The following PTPRK variants were observed in gnomAD, a reference collection of about 807,000 sequenced individuals.
PTPRK encodes receptor-type tyrosine-protein phosphatase kappa.
Under a neutral mutation model 178.0 loss-of-function variants are expected in PTPRK, and 75 were observed. The observed-to-expected ratio is 0.42, with a 90% CI of 0.35 to 0.51. The LOEUF is 0.51. Among genes scored for constraint, PTPRK ranks in the 20% least tolerant of loss-of-function variants. The pLI is 0.02. For missense variants in PTPRK, 1,441 were observed against 1,797.8 expected, an observed-to-expected ratio of 0.80 and a Z score of 3.59; for synonymous variants, 637 against 620.6, an observed-to-expected ratio of 1.03 and a Z score of -0.39.
chr6:128,425,070 A>T, intron 1 of PTPRK, among the ~76,000 whole-genome samples: 1 of 148,978 alleles, frequency 6.7e-6, no homozygotes. Context: ...ACTGTACCCA[A>T]TGTGTAGTCT....
chr6:128,452,964 T>C (rs1847968871), intron 1 of PTPRK, among the ~76,000 whole-genome samples: 1 of 152,202 alleles, frequency 6.6e-6, no homozygotes. Context: ...CTTCACTGTG[T>C]CACATTGAGT....
intron 2 of PTPRK, among the ~76,000 whole-genome samples, chr6:128,351,241 G>A (rs931055640): frequency 3.3e-5 from 5 of 152,046 alleles, no homozygotes; most frequent in African/African-American, 4.8e-5. Context: ...ATATAAACAC[G>A]GGAAAAAGAC....
chr6:128,355,233 A>G (rs1833792947), intron 2 of PTPRK, among the ~76,000 whole-genome samples: 1 of 152,244 alleles, frequency 6.6e-6, no homozygotes, highest in Non-Finnish European at 1.5e-5. Flanking sequence ...TTCAGTAATT[A>G]TGCAACGTCC....
At chr6:128,424,505 C>T (rs756712455) in intron 1 of PTPRK, among the ~76,000 whole-genome samples, 2 of 152,176 alleles carry the variant, frequency 1.3e-5, no homozygotes, top group Non-Finnish European at 2.9e-5. Flanking sequence ...CAGAAGGATT[C>T]CTTCTCCTTT....
intron 8 of PTPRK, among the ~76,000 whole-genome samples, chr6:128,089,031 C>T (rs1473110818): frequency 6.6e-6 from 1 of 152,192 alleles, no homozygotes; most frequent in Non-Finnish European, 1.5e-5. Context: ...GGTGCGATCT[C>T]AGCTCTCTGT....
rs1240675468 is a variant in PTPRK, at chr6:128,520,557, C to T, written c.-199G>A. 1.6e-5 allele frequency: 9 copies of T among 569,664 alleles called. No individual in the cohort carries two copies. The highest frequency in any genetic ancestry group is 2.5e-5 in the Non-Finnish European group (8 of 315,078). The allele number at this position is 569,664 out of a possible 1,614,324, so 35.3% of individuals were successfully genotyped here. On this transcript the variant is annotated 5_prime_UTR_variant, in exon 1 of 30. Coordinates refer to ENST00000368226, the MANE Select transcript of PTPRK (RefSeq NM_002844.4). The stretch of plus-strand genomic sequence containing the variant: ...CGTCGCCAGCGTCGCCGGCCGGCCG[C>T]GGCGGCAGCTCTCCATGCTCGGCGG...
chr6:128,382,621 G>T (rs1251149649), intron 2 of PTPRK, among the ~76,000 whole-genome samples: 4 of 151,694 alleles, frequency 2.6e-5, no homozygotes, highest in Non-Finnish European at 5.9e-5. Flanking sequence ...TGTATTTTTA[G>T]TAGAGACGGG....
intron 6 of PTPRK, among the ~76,000 whole-genome samples, chr6:128,206,981 T>A (rs1380371090): frequency 6.6e-6 from 1 of 152,110 alleles, no homozygotes; most frequent in Non-Finnish European, 1.5e-5. Context: ...TGAAGGAGTG[T>A]TTGATATGCT....
At chr6:128,494,191 C>A (rs1462437045) in intron 1 of PTPRK, among the ~76,000 whole-genome samples, 24 of 133,406 alleles carry the variant, frequency 1.8e-4, no homozygotes, top group Non-Finnish European at 8.0e-5. Flanking sequence ...TGTAGCAAGA[C>A]CCTGTATCTT....
intron 1 of PTPRK, among the ~76,000 whole-genome samples, chr6:128,507,386 T>A (rs1400862084): frequency 6.6e-6 from 1 of 152,162 alleles, no homozygotes; most frequent in South Asian, 2.1e-4. Flanking sequence ...CTAGAGGCCA[T>A]GTGGGCCTCT....
intron 13 of PTPRK, among the ~76,000 whole-genome samples, chr6:128,050,230 T>C (rs1056454087): frequency 3.1e-4 from 47 of 152,304 alleles, no homozygotes; most frequent in African/African-American, 1.1e-3. Flanking sequence ...ACAGTGAGCA[T>C]GCAAGTTGCA....
chr6:128,074,366 C>T (rs1783390193), intron 11 of PTPRK, among the ~76,000 whole-genome samples: 1 of 151,902 alleles, frequency 6.6e-6, no homozygotes, highest in South Asian at 2.1e-4. Context: ...CTGTTATTTT[C>T]ATTCTTTGAA....
At chr6:128,240,961 C>T (rs773836642) in intron 4 of PTPRK, among the ~76,000 whole-genome samples, 1 of 152,210 alleles carries the variant, frequency 6.6e-6, no homozygotes, top group Non-Finnish European at 1.5e-5. Context: ...AGGGCCGTAT[C>T]ACCCTAAAAC....
At chr6:128,415,029 C>T (rs998798486) in intron 1 of PTPRK, among the ~76,000 whole-genome samples, 9 of 152,098 alleles carry the variant, frequency 5.9e-5, no homozygotes, top group Admixed American at 3.3e-4. Context: ...ACATGTTATC[C>T]GATTCCAAAG....
At chr6:128,197,732 T>C (rs764481032) in intron 6 of PTPRK, among the ~76,000 whole-genome samples, 9 of 151,908 alleles carry the variant, frequency 5.9e-5, no homozygotes, top group Non-Finnish European at 1.3e-4. Flanking sequence ...ACTAGATAGA[T>C]TTTTGTGACT....
chr6:128,385,603 G>T (rs1188205439), intron 2 of PTPRK, among the ~76,000 whole-genome samples: 3 of 152,130 alleles, frequency 2.0e-5, no homozygotes, highest in Non-Finnish European at 4.4e-5. Context: ...CCCTGATGGA[G>T]AATTTTTCTC....
intron 3 of PTPRK, among the ~76,000 whole-genome samples, chr6:128,258,949 G>A (rs1817765301): frequency 6.6e-6 from 1 of 152,144 alleles, no homozygotes; most frequent in East Asian, 1.9e-4. Flanking sequence ...TGACTCCATT[G>A]AGAAGCCAGT....
At chr6:128,193,472 TTG>T (rs10681233) in intron 6 of PTPRK, among the ~76,000 whole-genome samples, 667 of 148,566 alleles carry the variant, frequency 4.5e-3, no homozygotes, top group Middle Eastern at 0.011. Flanking sequence ...GTACTAATAC[TTG>T]TGTGTGTGTG....
At chr6:128,341,203 A>G (rs576315781) in intron 2 of PTPRK, among the ~76,000 whole-genome samples, 1 of 152,294 alleles carries the variant, frequency 6.6e-6, no homozygotes, top group Non-Finnish European at 1.5e-5. Flanking sequence ...GATGTAACAT[A>G]AACACAAATG....
Sources: allele counts gnomAD v4.1 joint callset (sites outside exome capture counted in the v4.1 genomes callset), GRCh38; gene constraint gnomAD v4.1.1; transcripts MANE v1.5; gene names NCBI Gene and HGNC (gene_info 2026-07-23, HGNC 2026-07-21).